The following RBFOX1 variants were observed in gnomAD, a reference collection of about 807,000 sequenced individuals.
RBFOX1 encodes the protein RNA binding fox-1 homolog 1.
RBFOX1 carries 8 observed loss-of-function variants against 57.7 expected under a neutral mutation model. The observed-to-expected ratio is 0.14, with a 90% CI of 0.08 to 0.25. RBFOX1 has a LOEUF of 0.25. RBFOX1 is among the 10% of genes least tolerant of loss of function. RBFOX1 has a pLI of 1.00. For missense variants in RBFOX1, 611 were observed against 548.5 expected (o/e 1.11, Z -1.14); for synonymous variants, 326 against 222.4 (o/e 1.47, Z -4.15).
intron 2 of RBFOX1, among the ~76,000 whole-genome samples, chr16:6,353,431 TA>T (rs1384819519): frequency 2.6e-5 from 4 of 151,904 alleles, no homozygotes; most frequent in Non-Finnish European, 5.9e-5. Flanking sequence ...TACTGACAAA[TA>T]TAACTTGTCA....
chr16:5,405,403 C>T (rs1014724905), intron 1 of RBFOX1, among the ~76,000 whole-genome samples: 5 of 152,210 alleles, frequency 3.3e-5, no homozygotes, highest in South Asian at 2.1e-4. Flanking sequence ...AGTTCCCCTG[C>T]ACAAACTCTC....
At position 7,654,011 on chromosome 16, in the gene RBFOX1, G is replaced by A. The variant is rs868606768; in HGVS notation, c.890+64G>A. 610 of 1,432,524 alleles carry A rather than the reference G, an allele frequency of 4.3e-4. No homozygotes were observed. The Middle Eastern group carries it at 5.9e-3, about 14-fold the overall frequency. 88.7% of individuals were successfully genotyped at this position (1,432,524 alleles called of 1,614,324 possible). ...AGCCCTCCCTCCCCAGAGGCACGGA[G>A]CTGTTTGCGAGCGCATGATGGTCTT... On this transcript the variant is annotated intron_variant, in intron 12 of 15. Coordinates refer to ENST00000550418, the MANE Select transcript of RBFOX1 (RefSeq NM_018723.4).
chr16:7,049,757 T>G (rs1051413684), intron 3 of RBFOX1, among the ~76,000 whole-genome samples: 1 of 152,180 alleles, frequency 6.6e-6, no homozygotes, highest in African/African-American at 2.4e-5. Context: ...CTATACAGAT[T>G]TCCTTGCTGC....
At chr16:7,428,913 C>T (rs1441456108) in intron 4 of RBFOX1, among the ~76,000 whole-genome samples, 1 of 152,110 alleles carries the variant, frequency 6.6e-6, no homozygotes, top group Non-Finnish European at 1.5e-5. Context: ...CTACTCACAT[C>T]TGCACATGTA....
At chr16:7,669,823 T>G (rs1443139657) in intron 13 of RBFOX1, among the ~76,000 whole-genome samples, 1 of 152,192 alleles carries the variant, frequency 6.6e-6, no homozygotes, top group Non-Finnish European at 1.5e-5. Flanking sequence ...TCCTGAGACC[T>G]TGCTTTCAGT....
intron 1 of RBFOX1, among the ~76,000 whole-genome samples, chr16:6,151,021 C>T (rs1485898528): frequency 6.6e-6 from 1 of 152,160 alleles, no homozygotes; most frequent in African/African-American, 2.4e-5. Context: ...CTTACAGATT[C>T]AGAAAGGAGA....
chr16:7,045,537 G>T (rs77706368), intron 3 of RBFOX1, among the ~76,000 whole-genome samples: 2 of 152,178 alleles, frequency 1.3e-5, no homozygotes, highest in South Asian at 4.1e-4. Context: ...CATGGCACAA[G>T]TCAGAGGTCA....
chr16:6,424,215 G>T (rs938292976), intron 2 of RBFOX1, among the ~76,000 whole-genome samples: 1 of 152,164 alleles, frequency 6.6e-6, no homozygotes, highest in Non-Finnish European at 1.5e-5. Context: ...CTGCAGCCTG[G>T]GTGACAGAGC....
intron 3 of RBFOX1, among the ~76,000 whole-genome samples, chr16:6,963,369 T>G (rs1337246852): frequency 6.6e-6 from 1 of 151,936 alleles, no homozygotes; most frequent in Non-Finnish European, 1.5e-5. Context: ...GAACCTCTAT[T>G]TTTAGAATTA....
intron 1 of RBFOX1, among the ~76,000 whole-genome samples, chr16:6,196,337 G>T (rs1355847021): frequency 6.6e-6 from 1 of 152,154 alleles, no homozygotes; most frequent in South Asian, 2.1e-4. Context: ...TATTTTGAGC[G>T]AGTGACCTAA....
chr16:5,590,559 T>A lies in RBFOX1; in HGVS notation c.259-8343T>A, dbSNP rs140671906. ...GGCTGCATGCTCTTGGCTGCCGTAC[T>A]GTGATTCGGGGCGTGATGGAGGAAT... is the stretch of plus-strand genomic sequence containing the variant. On this transcript the variant is annotated intron_variant, in intron 2 of 2. Transcript: ENST00000585867. 2.2e-3 allele frequency among the ~76,000 whole-genome samples: 329 copies of A among 152,278 alleles called. 1 individual carries two copies. The highest frequency in any genetic ancestry group is 7.4e-3 in the African/African-American group (307 of 41,566).
chr16:7,095,140 C>A (rs983828988), intron 4 of RBFOX1, among the ~76,000 whole-genome samples: 2 of 151,924 alleles, frequency 1.3e-5, no homozygotes, highest in African/African-American at 4.8e-5. Flanking sequence ...GAGATGGAGA[C>A]CCACTCTGTT....
rs138108447 is a variant in RBFOX1, at chr16:7,263,725, A to G, written c.27+211627A>G. ...AGCCTGGCTAACATGGTGAAACCCC[A>G]TCTCTACTAAAAATACAAAAATTAG... On this transcript the variant is annotated intron_variant, in intron 4 of 15. Coordinates refer to ENST00000550418, the MANE Select transcript of RBFOX1 (RefSeq NM_018723.4). Among the ~76,000 whole-genome samples the G allele has an allele frequency of 8.1e-3, 1,228 of 151,906 alleles. 14 individuals are homozygous for G. Among genetic ancestry groups the G allele is most frequent in the African/African-American group, 0.028 (1,169 of 41,424 alleles).
intron 4 of RBFOX1, among the ~76,000 whole-genome samples, chr16:5,993,954 C>G (rs1025620381): frequency 2.0e-5 from 3 of 152,134 alleles, no homozygotes; most frequent in Admixed American, 6.5e-5. Context: ...ATTGGAAGCA[C>G]TTTGCTGCTG....
chr16:7,223,013 C>A (rs553880344), intron 4 of RBFOX1, among the ~76,000 whole-genome samples: 1 of 152,216 alleles, frequency 6.6e-6, no homozygotes, highest in East Asian at 1.9e-4. Context: ...TGAGGCTTCT[C>A]TTCCATCTGG....
At chr16:5,833,158 C>T (rs536307646) in intron 3 of RBFOX1, among the ~76,000 whole-genome samples, 1 of 152,290 alleles carries the variant, frequency 6.6e-6, no homozygotes, top group African/African-American at 2.4e-5. Flanking sequence ...AGGAAAGTGA[C>T]ATCTCCTCCT....
chr16:7,216,591 G>A (rs554554371), intron 4 of RBFOX1, among the ~76,000 whole-genome samples: 2 of 152,288 alleles, frequency 1.3e-5, no homozygotes, highest in East Asian at 1.9e-4. Context: ...CTGGGAGGTA[G>A]AGGTTGCAGT....
At chr16:5,432,390 C>T (rs536668664) in intron 1 of RBFOX1, among the ~76,000 whole-genome samples, 7 of 152,292 alleles carry the variant, frequency 4.6e-5, no homozygotes, top group Admixed American at 2.6e-4. Context: ...GTGCCTCCGC[C>T]GGCCCCTGTA....
At chr16:5,746,948 T>C (rs1180256514) in intron 3 of RBFOX1, among the ~76,000 whole-genome samples, 1 of 152,210 alleles carries the variant, frequency 6.6e-6, no homozygotes, top group Non-Finnish European at 1.5e-5. Context: ...TCCTGCCTAA[T>C]TGCCCTGGCC....
Sources: allele counts gnomAD v4.1 joint callset (sites outside exome capture counted in the v4.1 genomes callset), GRCh38; gene constraint gnomAD v4.1.1; transcripts MANE v1.5; gene names NCBI Gene and HGNC (gene_info 2026-07-23, HGNC 2026-07-21).